Variants in ZFPM2 observed in about 807,000 individuals in gnomAD.
ZFPM2 encodes zinc finger protein, FOG family member 2.
In ZFPM2, 20 loss-of-function variants were observed where a neutral mutation model predicts 98.6. The observed-to-expected ratio is 0.20, with a 90% CI of 0.14 to 0.29. The LOEUF is 0.29. ZFPM2 is among the 10% of genes least tolerant of loss of function. ZFPM2 has a pLI of 1.00. For synonymous variants in ZFPM2, 518 were observed against 502.7 expected, an observed-to-expected ratio of 1.03 and a Z score of -0.41; for missense variants, 1,310 against 1,388.6, an observed-to-expected ratio of 0.94 and a Z score of 0.90.
chr8:105,526,461 G>T (rs1177180567), intron 3 of ZFPM2, among the ~76,000 whole-genome samples: 1 of 152,142 alleles, frequency 6.6e-6, no homozygotes, highest in African/African-American at 2.4e-5. Context: ...ATACTCAACT[G>T]CTGTATTTGG....
chr8:105,445,594 TTTATATA>T (rs1490684503), intron 3 of ZFPM2, among the ~76,000 whole-genome samples: 1 of 151,938 alleles, frequency 6.6e-6, no homozygotes, highest in Non-Finnish European at 1.5e-5. Context: ...TGAGTGAACT[TTTATATA>T]TTATAGTTCC....
At chr8:105,772,219 G>C (rs1472765725) in intron 5 of ZFPM2, among the ~76,000 whole-genome samples, 2 of 152,130 alleles carry the variant, frequency 1.3e-5, no homozygotes, top group Admixed American at 1.3e-4. Context: ...TGAGAATGTA[G>C]TGTGATGATG....
chr8:105,708,529 A>G (rs981572787), intron 5 of ZFPM2, among the ~76,000 whole-genome samples: 3 of 152,104 alleles, frequency 2.0e-5, no homozygotes, highest in Non-Finnish European at 4.4e-5. Flanking sequence ...TCCTGGACTC[A>G]GGTGATCCTC....
intron 2 of ZFPM2, among the ~76,000 whole-genome samples, chr8:105,430,450 T>C (rs1040979390): frequency 1.3e-5 from 2 of 152,178 alleles, no homozygotes; most frequent in African/African-American, 4.8e-5. Context: ...GAATTCCAAA[T>C]CTATTATCAT....
chr8:105,714,660 A>G (rs1435441893), intron 5 of ZFPM2, among the ~76,000 whole-genome samples: 44 of 152,216 alleles, frequency 2.9e-4, no homozygotes, highest in Non-Finnish European at 5.9e-5. Context: ...GAAATACCAT[A>G]TAATGTATGC....
At position 105,485,912 on chromosome 8, in the gene ZFPM2, C is replaced by T. The variant is rs191420500; in HGVS notation, c.301+41531C>T. Among the ~76,000 whole-genome samples, 503 of 152,116 alleles carry T rather than the reference C, an allele frequency of 3.3e-3. 2 individuals carry two copies. The highest frequency in any genetic ancestry group is 0.011 in the African/African-American group (477 of 41,502). On this transcript the variant is annotated intron_variant, in intron 3 of 7. Coordinates refer to ENST00000407775, the MANE Select transcript of ZFPM2 (RefSeq NM_012082.4). ...TTTTTGTAAAAATTTAAGGCATTAC[C>T]GGTGAATTATGACTTATGCTGACCA...
intron 5 of ZFPM2, among the ~76,000 whole-genome samples, chr8:105,649,365 C>T (rs1304918911): frequency 2.6e-5 from 4 of 152,194 alleles, no homozygotes; most frequent in Admixed American, 6.5e-5. Flanking sequence ...ATTGAATACC[C>T]TTTATTTCTT....
At chr8:105,337,315 C>A (rs988452909) in intron 1 of ZFPM2, among the ~76,000 whole-genome samples, 1 of 151,726 alleles carries the variant, frequency 6.6e-6, no homozygotes, top group African/African-American at 2.4e-5. Flanking sequence ...AAACATTTTG[C>A]TACTGGGTTA....
intron 4 of ZFPM2, among the ~76,000 whole-genome samples, chr8:105,570,061 TC>T (rs1169609244): frequency 6.6e-6 from 1 of 152,146 alleles, no homozygotes; most frequent in African/African-American, 2.4e-5. Context: ...TGTACCCTGT[TC>T]CTCTTGGGAA....
chr8:105,658,190 T>C (rs1323464830), intron 5 of ZFPM2, among the ~76,000 whole-genome samples: 1 of 152,206 alleles, frequency 6.6e-6, no homozygotes, highest in Non-Finnish European at 1.5e-5. Context: ...AGGGGACATT[T>C]TGACTGAACG....
At chr8:105,483,080 T>G (rs1813157274) in intron 3 of ZFPM2, among the ~76,000 whole-genome samples, 1 of 148,324 alleles carries the variant, frequency 6.7e-6, no homozygotes, top group African/African-American at 2.5e-5. Context: ...AGGCTGGTCT[T>G]AAACTCCTGG....
chr8:105,536,673 G>A (rs1339180837), intron 3 of ZFPM2, among the ~76,000 whole-genome samples: 2 of 152,146 alleles, frequency 1.3e-5, no homozygotes, highest in Non-Finnish European at 1.5e-5. Flanking sequence ...TGTTGAATAA[G>A]ATAGCCAGAA....
chr8:105,654,673 C>T (rs905487838), intron 5 of ZFPM2, among the ~76,000 whole-genome samples: 2 of 152,060 alleles, frequency 1.3e-5, no homozygotes, highest in African/African-American at 4.8e-5. Context: ...GACCTAGAAG[C>T]CTAAAATCAA....
intron 4 of ZFPM2, among the ~76,000 whole-genome samples, chr8:105,621,208 C>A (rs529205079): frequency 2.0e-5 from 3 of 152,234 alleles, no homozygotes; most frequent in Admixed American, 6.5e-5. Flanking sequence ...TTTCATTGAG[C>A]AGTGGTTTGT....
chr8:105,447,790 C>G (rs78570982), intron 3 of ZFPM2, among the ~76,000 whole-genome samples: 2,447 of 152,080 alleles, frequency 0.016, 59 homozygotes, highest in African/African-American at 0.056. Flanking sequence ...GACGACGACT[C>G]CACAACCTTT....
rs763219008 is a variant in ZFPM2 at position 105,550,370 on chromosome 8, A to AT, written c.302-10986dup. Among the ~76,000 whole-genome samples the AT allele has an allele frequency of 3.9e-5, 6 of 152,204 alleles. No individual in the cohort carries two copies. In the East Asian group the frequency reaches 7.7e-4, roughly 20 times the overall value. On this transcript the variant is annotated intron_variant, in intron 3 of 7. Coordinates refer to ENST00000407775, the MANE Select transcript of ZFPM2 (RefSeq NM_012082.4). ...TCCTTCCACCTAGTTAAGTTGTTAC[A>AT]TTTTTTTGAAACAAGCAGTGTGATA...
chr8:105,568,695 G>A (rs1465814749), intron 4 of ZFPM2, among the ~76,000 whole-genome samples: 6 of 152,006 alleles, frequency 3.9e-5, no homozygotes, highest in South Asian at 4.1e-4. Context: ...TATTTACTCA[G>A]ACCACAGTAT....
At chr8:105,768,108 T>TTCTC (rs976041644) in intron 5 of ZFPM2, among the ~76,000 whole-genome samples, 2 of 132,856 alleles carry the variant, frequency 1.5e-5, no homozygotes, top group African/African-American at 3.3e-5. Context: ...CTCTCTCTCT[T>TTCTC]TCTCTCTCTC....
intron 5 of ZFPM2, among the ~76,000 whole-genome samples, chr8:105,721,227 T>C (rs1471260926): frequency 1.3e-5 from 2 of 151,878 alleles, no homozygotes; most frequent in East Asian, 1.9e-4. Context: ...GTGAATACTG[T>C]GTTTTCCGTC....
Sources: allele counts gnomAD v4.1 joint callset (sites outside exome capture counted in the v4.1 genomes callset), GRCh38; gene constraint gnomAD v4.1.1; transcripts MANE v1.5; gene names NCBI Gene and HGNC (gene_info 2026-07-23, HGNC 2026-07-21).